The following EYS variants were observed in gnomAD, a reference collection of about 807,000 sequenced individuals.
EYS encodes the protein protein eyes shut homolog.
A neutral mutation model predicts 282.1 loss-of-function variants in EYS; 250 were observed. The observed-to-expected ratio is 0.89, with a 90% CI of 0.80 to 0.98. The LOEUF is 0.98. EYS is among the 50% of genes least tolerant of loss of function. EYS has a pLI of 0.00. For synonymous variants in EYS, 1,355 were observed against 1,282.9 expected (o/e 1.06, Z -1.20); for missense variants, 4,016 against 3,709.0 (o/e 1.08, Z -2.15).
chr6:65,268,103 G>A (rs1171444927), intron 12 of EYS, among the ~76,000 whole-genome samples: 1 of 151,834 alleles, frequency 6.6e-6, no homozygotes, highest in African/African-American at 2.4e-5. Context: ...GTTATGCTGT[G>A]GATATGCAAT....
At chr6:63,908,018 A>ACG (rs1773821948) in intron 35 of EYS, among the ~76,000 whole-genome samples, 1 of 102,268 alleles carries the variant, frequency 9.8e-6, no homozygotes, top group African/African-American at 5.1e-5. Flanking sequence ...AAACGTATAT[A>ACG]TATATATATA....
chr6:65,487,117 C>T (rs1765811811), intron 5 of EYS, among the ~76,000 whole-genome samples: 2 of 151,992 alleles, frequency 1.3e-5, no homozygotes, highest in Admixed American at 1.3e-4. Flanking sequence ...ATGTCATCTG[C>T]AAAAATAGAC....
chr6:64,909,306 A>T (rs1313528100), intron 16 of EYS, among the ~76,000 whole-genome samples: 3 of 152,206 alleles, frequency 2.0e-5, no homozygotes, highest in Non-Finnish European at 4.4e-5. Flanking sequence ...AGGCAAAAAA[A>T]GTTGGTTACA....
intron 22 of EYS, among the ~76,000 whole-genome samples, chr6:64,703,429 A>ATATTTTT (rs869208549): frequency 6.4e-4 from 15 of 23,358 alleles, no homozygotes; most frequent in Non-Finnish European, 7.8e-4. Context: ...ATATATATAT[A>ATATTTTT]TTTTTTTTTT....
rs562621513 is a variant in EYS at position 64,783,301 on chromosome 6, A to G, written c.3443+30077T>C. On this transcript the variant is annotated intron_variant, in intron 22 of 42. Transcript: ENST00000503581. ...ACCTTATCCTATATACATATCCTAT[A>G]TACATATACATATCCTATATACATA... Among the ~76,000 whole-genome samples the G allele has an allele frequency of 2.6e-5, 4 of 151,682 alleles. No homozygotes were observed. In the South Asian group the frequency reaches 8.3e-4, roughly 32 times the overall value.
intron 22 of EYS, among the ~76,000 whole-genome samples, chr6:64,722,068 T>G (rs1358876320): frequency 6.6e-6 from 1 of 152,108 alleles, no homozygotes; most frequent in Admixed American, 6.6e-5. Flanking sequence ...TTCAACATAA[T>G]AAACTGTACA....
At chr6:65,634,101 C>G (rs1767008898) in intron 2 of EYS, among the ~76,000 whole-genome samples, 1 of 152,136 alleles carries the variant, frequency 6.6e-6, no homozygotes. Context: ...TTTCTTTGTC[C>G]CTTTCCTATA....
intron 28 of EYS, among the ~76,000 whole-genome samples, chr6:64,404,963 T>C (rs1055091955): frequency 6.6e-6 from 1 of 152,098 alleles, no homozygotes; most frequent in Non-Finnish European, 1.5e-5. Flanking sequence ...CTTAACTTTT[T>C]TTAACACTCT....
At chr6:64,827,902 C>T (rs536550190) in intron 19 of EYS, among the ~76,000 whole-genome samples, 7 of 151,266 alleles carry the variant, frequency 4.6e-5, no homozygotes, top group Non-Finnish European at 1.0e-4. Flanking sequence ...AAAAAAAATC[C>T]AGAAACAACA....
Position 64,813,516 on chromosome 6 carries a change from G to A in EYS, c.3305C>T (p.Thr1102Ile). Residue 1102 changes from threonine to isoleucine, a missense_variant, in exon 22 of 43, where the codon ACT becomes ATT. Thr to Ile is a moderately conservative substitution (Grantham distance 89). Coordinates refer to ENST00000503581, the MANE Select transcript of EYS (RefSeq NM_001142800.2). ...AGTGTATCCACGTGGGCAAATGCAA[G>A]TAAATCCATGTGCTGACTTCTGACA... ...GFCQKSAHGF[T>I]CICPRGYTGA... 1 of 1,550,488 alleles carries A rather than the reference G, an allele frequency of 6.4e-7. No homozygotes were observed. Among genetic ancestry groups the A allele is most frequent in the Non-Finnish European group, 8.7e-7 (1 of 1,146,160 alleles).
intron 29 of EYS, among the ~76,000 whole-genome samples, chr6:64,378,415 A>G (rs1772634051): frequency 6.6e-6 from 1 of 152,110 alleles, no homozygotes; most frequent in Admixed American, 6.5e-5. Context: ...CTAGGATCAA[A>G]TGCTTCATAA....
At chr6:65,167,091 G>A (rs1266225856) in intron 12 of EYS, among the ~76,000 whole-genome samples, 1 of 151,124 alleles carries the variant, frequency 6.6e-6, no homozygotes, top group Non-Finnish European at 1.5e-5. Flanking sequence ...ACCATTGGTG[G>A]GAAGGTAAAA....
chr6:64,231,404 A>T (rs929068952), intron 30 of EYS, among the ~76,000 whole-genome samples: 1 of 152,158 alleles, frequency 6.6e-6, no homozygotes, highest in African/African-American at 2.4e-5. Flanking sequence ...TTTTACATTC[A>T]AAACCCCTTG....
chr6:64,713,637 T>G (rs748204777), intron 22 of EYS, among the ~76,000 whole-genome samples: 3 of 152,112 alleles, frequency 2.0e-5, no homozygotes, highest in Admixed American at 1.3e-4. Context: ...CCTATAAATC[T>G]TGTGCACATG....
intron 31 of EYS, among the ~76,000 whole-genome samples, chr6:64,154,388 C>T (rs960078079): frequency 1.0e-4 from 14 of 138,130 alleles, no homozygotes; most frequent in Admixed American, 9.6e-4. Flanking sequence ...TGCGGTGAGC[C>T]GAGATCACAC....
chr6:65,164,972 G>A (rs1257109577), intron 12 of EYS, among the ~76,000 whole-genome samples: 1 of 151,272 alleles, frequency 6.6e-6, no homozygotes, highest in East Asian at 2.0e-4. Flanking sequence ...TTAGTGCTAT[G>A]AAGATTGTGC....
intron 12 of EYS, among the ~76,000 whole-genome samples, chr6:65,279,326 CT>C (rs1416165049): frequency 3.3e-5 from 5 of 152,058 alleles, no homozygotes; most frequent in Non-Finnish European, 7.4e-5. Context: ...TTTTCTAGAT[CT>C]CTGCTTAAAT....
intron 12 of EYS, among the ~76,000 whole-genome samples, chr6:65,193,069 C>T (rs955502655): frequency 2.0e-5 from 3 of 151,752 alleles, no homozygotes; most frequent in Non-Finnish European, 2.9e-5. Flanking sequence ...TAGTGAGGTG[C>T]AGAAAGACAA....
intron 2 of EYS, among the ~76,000 whole-genome samples, chr6:65,612,845 A>G (rs1461910084): frequency 6.6e-6 from 1 of 151,636 alleles, no homozygotes; most frequent in Non-Finnish European, 1.5e-5. Flanking sequence ...ATTGCTCATC[A>G]TATTTTCCCT....
Sources: gnomAD v4.1 joint callset for allele counts (sites outside exome capture counted in the v4.1 genomes callset) on GRCh38, gnomAD v4.1.1 for gene constraint, MANE v1.5 for transcripts, NCBI Gene and HGNC (gene_info 2026-07-23, HGNC 2026-07-21) for gene names.